The following MTOR variants were observed in gnomAD, a reference collection of about 807,000 sequenced individuals.
MTOR encodes the protein serine/threonine-protein kinase mTOR.
In MTOR, 70 loss-of-function variants were observed where a neutral mutation model predicts 319.8. That is an observed-to-expected ratio of 0.22 (90% CI 0.18 to 0.27). The LOEUF is 0.27. Among genes scored for constraint, MTOR ranks in the 10% least tolerant of loss-of-function variants. The pLI is 1.00. For missense variants in MTOR, 1,890 were observed against 3,274.4 expected (o/e 0.58, Z 10.32); for synonymous variants, 1,183 against 1,211.4 (o/e 0.98, Z 0.49).
intron 29 of MTOR, among the ~76,000 whole-genome samples, chr1:11,163,590 A>T (rs1211812623): frequency 6.6e-6 from 1 of 152,234 alleles, no homozygotes; most frequent in African/African-American, 2.4e-5. Flanking sequence ...TGTCTCTCAG[A>T]CCACAGTGCA....
chr1:11,262,115 G>A (rs571805105), intron 1 of MTOR, among the ~76,000 whole-genome samples: 1 of 152,342 alleles, frequency 6.6e-6, no homozygotes, highest in South Asian at 2.1e-4. Flanking sequence ...CCCTGGGGCA[G>A]AGATACACAA....
rs544124161 is a variant in MTOR at position 11,119,755 on chromosome 1, A to C, written c.6933+1491T>G. Among the ~76,000 whole-genome samples, 100 of 151,530 alleles carry C rather than the reference A, an allele frequency of 6.6e-4. 3 individuals carry two copies. In the East Asian group the frequency reaches 0.019, roughly 28 times the overall value. On this transcript the variant is annotated intron_variant, in intron 49 of 57. Coordinates refer to ENST00000361445, the MANE Select transcript of MTOR (RefSeq NM_004958.4). ...AGTAAGACCTTGTCTCAAAAAAAAA[A>C]AACAAAACAAAACACACAAACAAAC...
At position 11,259,314 on chromosome 1, in the gene MTOR, C is replaced by A. The variant is rs1235728518; in HGVS notation, c.96G>T (p.Arg32=). The A allele has an allele frequency of 6.2e-7, 1 of 1,613,780 alleles. No individual in the cohort carries two copies. The highest frequency in any genetic ancestry group is 2.2e-5 in the East Asian group (1 of 44,832). The change falls in exon 2 of 58, where the codon CGG becomes CGT. Residue 32 remains arginine (R), a synonymous_variant. Transcript: ENST00000361445. ...LQQFASGLKS[R]NEETRAKAAK... is the part of the protein sequence containing the mutation. ...CGGCTTTGGCCCTGGTTTCCTCATTCCGGCTCTTTAGGCCACTGGCAAACT... is the reference window on the plus strand; with the variant it reads ...CGGCTTTGGCCCTGGTTTCCTCATTACGGCTCTTTAGGCCACTGGCAAACT...
At chr1:11,197,637 G>T (rs1645830707) in intron 28 of MTOR, among the ~76,000 whole-genome samples, 1 of 152,142 alleles carries the variant, frequency 6.6e-6, no homozygotes, top group Non-Finnish European at 1.5e-5. Flanking sequence ...CACCTCCCAG[G>T]TTCAAGCAAT....
At chr1:11,242,500 CA>C (rs70977555) in intron 9 of MTOR, among the ~76,000 whole-genome samples, 1,740 of 52,522 alleles carry the variant, frequency 0.033, 12 homozygotes, top group African/African-American at 0.11. Context: ...GACTCCATCT[CA>C]AAAAAAAAAA....
At chr1:11,194,659 G>T (rs1407271098) in intron 28 of MTOR, 2 of 1,614,052 alleles carry the variant, frequency 1.2e-6, no homozygotes, top group Admixed American at 3.3e-5. Flanking sequence ...GCTCCGCAAA[G>T]GTGAGATTTG....
At chr1:11,227,063 T>C (rs960083668) in intron 19 of MTOR, among the ~76,000 whole-genome samples, 2 of 151,232 alleles carry the variant, frequency 1.3e-5, no homozygotes, top group African/African-American at 4.9e-5. Context: ...TTTGGGAGGC[T>C]GAGGCAGTTG....
At chr1:11,164,637 C>A (rs531727420) in intron 29 of MTOR, among the ~76,000 whole-genome samples, 1 of 152,280 alleles carries the variant, frequency 6.6e-6, no homozygotes, top group South Asian at 2.1e-4. Flanking sequence ...CAGGACTAGA[C>A]AGGTTCACAG....
intron 30 of MTOR, among the ~76,000 whole-genome samples, chr1:11,154,100 A>AAAAAAAAAAAAC (rs1644241672): frequency 6.9e-6 from 1 of 145,862 alleles, no homozygotes; most frequent in Non-Finnish European, 1.5e-5. Flanking sequence ...AAAAAAAAAA[A>AAAAAAAAAAAAC]AAAGCCACAT....
At chr1:11,219,195 C>A (rs181649259) in intron 19 of MTOR, among the ~76,000 whole-genome samples, 320 of 147,986 alleles carry the variant, frequency 2.2e-3, no homozygotes, top group African/African-American at 7.7e-3. Context: ...GCCTGGGCAA[C>A]AAAGTGAGAC....
rs768134770 is a variant in MTOR at position 11,209,443 on chromosome 1, C to T, written c.3670G>A (p.Asp1224Asn). The T allele has an allele frequency of 1.2e-6, 2 of 1,614,206 alleles. No homozygotes were observed. Among genetic ancestry groups the T allele is most frequent in the Non-Finnish European group, 8.5e-7 (1 of 1,180,022 alleles). Reference sequence around the variant, plus strand: ...TAAATCAAAGGATCCTCCTCTTCATCAGCAAGTGTGTATCCCTACAACCAA... The same window carrying T: ...TAAATCAAAGGATCCTCCTCTTCATTAGCAAGTGTGTATCCCTACAACCAA... ...CRIVKGYTLA[D>N]EEEDPLIYQH... is the part of the protein sequence containing the mutation. The change falls in exon 25 of 58, where the codon GAT (aspartate) becomes AAT (asparagine). Residue 1224 changes from aspartate (D) to asparagine (N), a missense_variant. Around this residue, in one of 15 missense-constraint regions of MTOR, gnomAD observed 115 missense variants for 105.7 expected, o/e 1.09. Transcript: ENST00000361445.
At chr1:11,224,033 C>T (rs1234308067) in intron 19 of MTOR, among the ~76,000 whole-genome samples, 1 of 139,100 alleles carries the variant, frequency 7.2e-6, no homozygotes, top group Non-Finnish European at 1.5e-5. Context: ...AGCGATACTC[C>T]GTCTCAAAAT....
At chr1:11,233,275 C>T (rs982792220) in intron 15 of MTOR, 123 bp downstream of exon 15, 2 of 898,998 alleles carry the variant, frequency 2.2e-6, no homozygotes, top group Admixed American at 2.3e-5. Context: ...GCATTGTTGG[C>T]TGGGTTCCGC....
At chr1:11,226,265 G>A (rs1646833146) in intron 19 of MTOR, 1 of 151,868 alleles carries the variant, frequency 6.6e-6, no homozygotes, top group Admixed American at 6.6e-5. Context: ...TGCTCATTTT[G>A]GCAGCACGTA....
In MTOR at chr1:11,189,524, T is replaced by A. The variant is rs538942103; in HGVS notation, c.4253+9734A>T. 4.0e-4 allele frequency: 615 copies of A among 1,529,992 alleles called. 2 individuals are homozygous for A. The African/African-American group carries it at 6.9e-3, about 17-fold the overall frequency. 94.8% of individuals were successfully genotyped at this position (1,529,992 alleles called of 1,614,324 possible). On this transcript the variant is annotated intron_variant, in intron 28 of 57. Coordinates refer to ENST00000361445, the MANE Select transcript of MTOR (RefSeq NM_004958.4). ...CTGCTGCAGCTTTGCAGACCTCAGCTGGGCATCTCCAGACTCCCCTGAAGG... is the reference window on the plus strand; with the variant it reads ...CTGCTGCAGCTTTGCAGACCTCAGCAGGGCATCTCCAGACTCCCCTGAAGG...
chr1:11,180,374 C>A (rs1557810975), intron 28 of MTOR, among the ~76,000 whole-genome samples: 1 of 152,210 alleles, frequency 6.6e-6, no homozygotes. Flanking sequence ...ACCCTGGAAA[C>A]ATGTGTTTAG....
chr1:11,116,474 T>C (rs1481109230), intron 50 of MTOR, among the ~76,000 whole-genome samples: 2 of 151,996 alleles, frequency 1.3e-5, no homozygotes, highest in Non-Finnish European at 2.9e-5. Context: ...GCCACCATGC[T>C]TGGCTAATTA....
At chr1:11,134,273 TG>T in intron 37 of MTOR, 77 bp downstream of exon 37, 2 of 1,356,628 alleles carry the variant, frequency 1.5e-6, no homozygotes, top group Non-Finnish European at 2.1e-6. Context: ...CAAGAAGCCT[TG>T]AACTCCTCCT....
intron 19 of MTOR, among the ~76,000 whole-genome samples, chr1:11,216,541 G>A (rs190104129): frequency 1.3e-5 from 2 of 152,036 alleles, no homozygotes; most frequent in African/African-American, 4.8e-5. Context: ...TCTAGCTACT[G>A]GATGCTAAGG....
Sources: allele counts gnomAD v4.1 joint callset (sites outside exome capture counted in the v4.1 genomes callset), GRCh38; gene constraint gnomAD v4.1.1; regional missense constraint gnomAD v4.1.1; transcripts MANE v1.5; gene names NCBI Gene and HGNC (gene_info 2026-07-23, HGNC 2026-07-21).